Variants in ALPK1 observed in about 807,000 individuals in gnomAD.
ALPK1 encodes alpha-protein kinase 1.
A neutral mutation model predicts 120.6 loss-of-function variants in ALPK1; 110 were observed. That is an observed-to-expected ratio of 0.91 (90% confidence interval 0.78 to 1.07). The LOEUF (loss-of-function observed/expected upper bound fraction) is 1.07. Among genes scored for constraint, ALPK1 ranks in the 50% least tolerant of loss-of-function variants. The pLI, the probability that ALPK1 is intolerant of heterozygous loss-of-function variation, is 0.00. For missense variants in ALPK1, 1,498 were observed against 1,483.9 expected, an observed-to-expected ratio of 1.01 and a Z score of -0.16; for synonymous variants, 582 against 560.3, an observed-to-expected ratio of 1.04 and a Z score of -0.55.
intron 2 of ALPK1, among the ~76,000 whole-genome samples, chr4:112,368,459 G>C (rs577898723): frequency 6.6e-6 from 1 of 152,016 alleles, no homozygotes; most frequent in South Asian, 2.1e-4. Flanking sequence ...AGTATCTGTT[G>C]TTTCTGCTTT....
chr4:112,357,715 T>G, intron 2 of ALPK1: 1 of 1,539,798 alleles, frequency 6.5e-7, no homozygotes, highest in Non-Finnish European at 9.0e-7. Context: ...TGACAGACGG[T>G]TTTCCAAGGA....
At chr4:112,418,302 G>A (rs1205017694) in intron 5 of ALPK1, among the ~76,000 whole-genome samples, 2 of 152,202 alleles carry the variant, frequency 1.3e-5, no homozygotes, top group East Asian at 1.9e-4. Flanking sequence ...ACGGGGAGGC[G>A]CTGTGTCTTA....
At chr4:112,393,999 G>A (rs1445816093) in intron 4 of ALPK1, among the ~76,000 whole-genome samples, 1 of 151,996 alleles carries the variant, frequency 6.6e-6, no homozygotes, top group Non-Finnish European at 1.5e-5. Context: ...TCAAATGATA[G>A]AACATCAAAG....
intron 1 of ALPK1, among the ~76,000 whole-genome samples, chr4:112,300,890 C>T (rs17044385): frequency 0.021 from 3,178 of 152,240 alleles, 111 homozygotes; most frequent in African/African-American, 0.072. Context: ...TCAAAATGCA[C>T]TGTGTCATTG....
At chr4:112,403,215 C>T (rs758176115) in intron 4 of ALPK1, among the ~76,000 whole-genome samples, 9 of 151,872 alleles carry the variant, frequency 5.9e-5, no homozygotes, top group Admixed American at 1.3e-4. Context: ...GCCCCCTCCC[C>T]GGCATACATT....
chr4:112,411,965 C>A lies in ALPK1; in HGVS notation c.415C>A (p.Pro139Thr), dbSNP rs1175031060. The A allele has an allele frequency of 6.2e-7, 1 of 1,614,184 alleles. No individual in the cohort carries two copies. Among genetic ancestry groups the A allele is most frequent in the East Asian group, 2.2e-5 (1 of 44,874 alleles). The change falls in exon 5 of 16, where the codon CCA (proline) becomes ACA (threonine). Residue 139 changes from proline to threonine, a missense_variant. By Grantham distance (38) the Pro-to-Thr change is conservative. Coordinates refer to ENST00000650871, the MANE Select transcript of ALPK1 (RefSeq NM_025144.4). ...QVAKGLHKLQPATPIAPQVVI... is the reference protein window; with the variant it reads ...QVAKGLHKLQTATPIAPQVVI... The stretch of plus-strand genomic sequence containing the variant: ...CGCCAAAGGTCTCCACAAGTTGCAG[C>A]CAGCCACGCCAATTGCCCCGCAGGT...
chr4:112,412,423 C>G, intron 5 of ALPK1: 1 of 461,780 alleles, frequency 2.2e-6, no homozygotes, highest in South Asian at 1.5e-5. Context: ...TGTAGGACCA[C>G]TTGACTAAGC....
At chr4:112,414,458 A>G (rs12507734) in intron 5 of ALPK1, 89,674 of 356,004 alleles carry the variant, frequency 0.25, 13,429 homozygotes, top group East Asian at 0.63. Context: ...AACTACAAAA[A>G]TTAGCCAGGC....
In ALPK1 at chr4:112,429,269, C is replaced by T. The variant is rs558173270; in HGVS notation, c.900+16C>T. The T allele has an allele frequency of 8.1e-6, 13 of 1,596,984 alleles. No individual in the cohort carries two copies. The South Asian group carries it at 1.1e-4, about 14-fold the overall frequency. The stretch of plus-strand genomic sequence containing the variant: ...CACAGCTGTGGTAAACGAATGCAGC[C>T]GCTCCTCAAACCCCCACAGGACCTC... On this transcript the variant is annotated intron_variant, in intron 10 of 15. Transcript: ENST00000650871.
intron 4 of ALPK1, among the ~76,000 whole-genome samples, chr4:112,389,747 G>C (rs1732320748): frequency 6.6e-6 from 1 of 152,150 alleles, no homozygotes; most frequent in Non-Finnish European, 1.5e-5. Context: ...GTGCTTCTTG[G>C]ATGTCTTACA....
intron 1 of ALPK1, among the ~76,000 whole-genome samples, chr4:112,304,110 T>TG (rs1354875564): frequency 1.3e-5 from 2 of 152,222 alleles, no homozygotes; most frequent in African/African-American, 2.4e-5. Context: ...TAGTATTCCA[T>TG]GGTGTATATG....
intron 4 of ALPK1, among the ~76,000 whole-genome samples, chr4:112,400,984 G>A (rs1373288248): frequency 3.3e-5 from 5 of 151,916 alleles, no homozygotes; most frequent in South Asian, 4.2e-4. Context: ...GATCAGCCTC[G>A]CTCAGCCAGA....
Position 112,411,815 on chromosome 4 carries a change from C to G in ALPK1, c.277-12C>G. 1 of 1,604,062 alleles carries G rather than the reference C, an allele frequency of 6.2e-7. No individual in the cohort carries two copies. Among genetic ancestry groups the G allele is most frequent in the Non-Finnish European group, 8.5e-7 (1 of 1,175,478 alleles). On this transcript the variant is annotated splice_polypyrimidine_tract_variant and intron_variant, in intron 4 of 15. Coordinates refer to ENST00000650871, the MANE Select transcript of ALPK1 (RefSeq NM_025144.4). Reference sequence around the variant, plus strand: ...TCCGCCTGGCTCACGATGTTCCACGCTGTTCCTCCAGGCGTCCCTGAGGGC... The same window carrying G: ...TCCGCCTGGCTCACGATGTTCCACGGTGTTCCTCCAGGCGTCCCTGAGGGC...
chr4:112,316,656 G>T (rs1728645659), intron 2 of ALPK1, among the ~76,000 whole-genome samples: 1 of 152,090 alleles, frequency 6.6e-6, no homozygotes, highest in African/African-American at 2.4e-5. Context: ...TTTTTTCATG[G>T]CAGCCATCTT....
intron 2 of ALPK1, among the ~76,000 whole-genome samples, chr4:112,328,880 T>G (rs1729232314): frequency 6.6e-6 from 1 of 152,172 alleles, no homozygotes; most frequent in Non-Finnish European, 1.5e-5. Flanking sequence ...TTGATGACCT[T>G]GTACTACATT....
intron 1 of ALPK1, among the ~76,000 whole-genome samples, chr4:112,314,262 AG>A (rs1455155210): frequency 6.6e-6 from 1 of 152,238 alleles, no homozygotes; most frequent in Admixed American, 6.5e-5. Context: ...AAGAAGAGAC[AG>A]CGTGAAATAG....
At chr4:112,397,497 A>C (rs191532929) in intron 4 of ALPK1, among the ~76,000 whole-genome samples, 1 of 152,214 alleles carries the variant, frequency 6.6e-6, no homozygotes, top group Non-Finnish European at 1.5e-5. Flanking sequence ...CAATATTTCC[A>C]TGGGCACTGT....
intron 2 of ALPK1, among the ~76,000 whole-genome samples, chr4:112,347,092 G>A (rs1730133528): frequency 1.3e-5 from 2 of 152,216 alleles, no homozygotes; most frequent in Non-Finnish European, 2.9e-5. Flanking sequence ...AAATATAGCA[G>A]TAGCTGTTTC....
intron 2 of ALPK1, among the ~76,000 whole-genome samples, chr4:112,349,201 C>T (rs1034371348): frequency 4.0e-4 from 61 of 152,028 alleles, no homozygotes; most frequent in African/African-American, 1.5e-3. Context: ...AGGAGATAAT[C>T]CCAGTGGCAA....
Sources: gnomAD v4.1 joint callset for allele counts (sites outside exome capture counted in the v4.1 genomes callset) on GRCh38, gnomAD v4.1.1 for gene constraint, MANE v1.5 for transcripts, NCBI Gene and HGNC (gene_info 2026-07-23, HGNC 2026-07-21) for gene names.